RALGPS1: variants seen among roughly 807,000 people sequenced by gnomAD.
RALGPS1 encodes ras-specific guanine nucleotide-releasing factor RalGPS1.
A neutral mutation model predicts 78.8 loss-of-function variants in RALGPS1; 19 were observed. The observed-to-expected ratio is 0.24, with a 90% confidence interval of 0.17 to 0.35. RALGPS1 has a LOEUF of 0.35. Among genes scored for constraint, RALGPS1 ranks in the 10% least tolerant of loss-of-function variants. RALGPS1 has a pLI of 1.00. For missense variants in RALGPS1, 454 were observed against 688.3 expected (o/e 0.66, Z 3.81); for synonymous variants, 228 against 256.3 (o/e 0.89, Z 1.06).
chr9:127,191,430 T>G (rs997155309), intron 11 of RALGPS1, among the ~76,000 whole-genome samples: 19 of 152,184 alleles, frequency 1.2e-4, no homozygotes, highest in African/African-American at 4.3e-4. Context: ...ACCCAGTGGT[T>G]TTGCCCCTCA....
intron 14 of RALGPS1, chr9:127,210,798 T>C: frequency 6.5e-7 from 1 of 1,539,624 alleles, no homozygotes; most frequent in South Asian, 1.2e-5. Context: ...TGTTCATGTG[T>C]TCATTTGTTT....
chr9:127,179,947 C>T (rs73597287), intron 11 of RALGPS1, among the ~76,000 whole-genome samples: 1 of 152,166 alleles, frequency 6.6e-6, no homozygotes, highest in Non-Finnish European at 1.5e-5. Context: ...CTGTTGCCCA[C>T]AGAGAGCTGG....
chr9:127,180,304 C>T (rs928185409), intron 11 of RALGPS1, among the ~76,000 whole-genome samples: 5 of 152,184 alleles, frequency 3.3e-5, no homozygotes, highest in Admixed American at 1.3e-4. Context: ...TGGGCAGCAC[C>T]GCGAGTCCAG....
chr9:127,098,434 G>A (rs181503764), intron 8 of RALGPS1, among the ~76,000 whole-genome samples: 1 of 152,316 alleles, frequency 6.6e-6, no homozygotes, highest in East Asian at 1.9e-4. Context: ...ACATTCTTGG[G>A]GGAGCTGTGG....
chr9:127,172,832 C>T (rs1203750636), intron 10 of RALGPS1, among the ~76,000 whole-genome samples: 1 of 151,898 alleles, frequency 6.6e-6, no homozygotes, highest in East Asian at 1.9e-4. Context: ...TCGTCTGCTC[C>T]TGGGGCTGCC....
chr9:127,094,392 GC>G (rs147128543), intron 8 of RALGPS1, among the ~76,000 whole-genome samples: 8,773 of 152,272 alleles, frequency 0.058, 815 homozygotes, highest in African/African-American at 0.2. Context: ...CTTTGCTTCT[GC>G]AAGGAAACTC....
intron 8 of RALGPS1, among the ~76,000 whole-genome samples, chr9:127,153,580 G>A (rs1216469613): frequency 6.6e-6 from 1 of 152,052 alleles, no homozygotes; most frequent in African/African-American, 2.4e-5. Context: ...CTGTCATGAT[G>A]GCGGCGCACA....
chr9:127,093,314 TTC>T (rs1371080421), intron 8 of RALGPS1, among the ~76,000 whole-genome samples: 3 of 152,154 alleles, frequency 2.0e-5, no homozygotes, highest in Non-Finnish European at 4.4e-5. Context: ...TTTTGGGGGA[TTC>T]TCCCAGGAAC....
intron 4 of RALGPS1, among the ~76,000 whole-genome samples, chr9:127,005,403 C>G (rs2043743523): frequency 6.6e-6 from 1 of 152,230 alleles, no homozygotes; most frequent in Admixed American, 6.5e-5. Flanking sequence ...TCTGGCAATA[C>G]TTCTGGTTTT....
intron 8 of RALGPS1, among the ~76,000 whole-genome samples, chr9:127,163,602 G>T (rs1003800198): frequency 6.6e-6 from 1 of 152,310 alleles, no homozygotes; most frequent in South Asian, 2.1e-4. Flanking sequence ...TAGCACCAGT[G>T]CTCCACTGTA....
rs1239319088 is a variant in RALGPS1 at position 127,223,112 on chromosome 9, C to T, written c.*4343C>T. On this transcript the variant is annotated 3_prime_UTR_variant, in exon 19 of 19. Transcript: ENST00000259351. ...TAATAATTATTTCACTAATTAAATA[C>T]TTTAATGTACAAACATCTTTGTTTA... The T allele has an allele frequency of 5.2e-5, 8 of 152,648 alleles. No individual in the cohort carries two copies. Among genetic ancestry groups the T allele is most frequent in the Non-Finnish European group, 1.0e-4 (7 of 68,048 alleles). The allele number at this position is 152,648 out of a possible 1,614,324, so 9.5% of individuals were successfully genotyped here.
chr9:127,079,818 A>G (rs1405325379), intron 8 of RALGPS1: 1 of 152,228 alleles, frequency 6.6e-6, no homozygotes, highest in East Asian at 1.9e-4. Context: ...TTCCCAATCC[A>G]CAGAAACTGC....
chr9:127,034,586 C>A, intron 5 of RALGPS1, 72 bp downstream of exon 5: 4 of 1,367,426 alleles, frequency 2.9e-6, no homozygotes, highest in Admixed American at 1.7e-5. Flanking sequence ...TGCGAGCCCC[C>A]ACCCAAAGCT....
chr9:127,098,495 G>T (rs1017835412), intron 8 of RALGPS1, among the ~76,000 whole-genome samples: 1 of 152,232 alleles, frequency 6.6e-6, no homozygotes, highest in Non-Finnish European at 1.5e-5. Context: ...AGCCGAGTCT[G>T]TGTGGTTCCC....
In RALGPS1 at chr9:127,166,073, C is replaced by T; in HGVS notation, c.615C>T (p.Ile205=). Reference sequence around the variant, plus strand: ...AAATATCTTCTTTAATTTTAGGAATCTATCTTCTGGATTTAATCTACATTG... The same window carrying T: ...AAATATCTTCTTTAATTTTAGGAATTTATCTTCTGGATTTAATCTACATTG... ...KMVPSIPYLG[I]YLLDLIYIDS... The change falls in exon 9 of 19, where the codon ATC becomes ATT. Residue 205 remains isoleucine (I), a synonymous_variant. Transcript: ENST00000259351. 6.2e-6 allele frequency: 10 copies of T among 1,600,542 alleles called. No individual in the cohort carries two copies. Among genetic ancestry groups the T allele is most frequent in the Non-Finnish European group, 7.7e-6 (9 of 1,175,006 alleles).
chr9:127,066,274 G>A (rs1277959364), intron 7 of RALGPS1, among the ~76,000 whole-genome samples: 2 of 152,246 alleles, frequency 1.3e-5, no homozygotes, highest in Non-Finnish European at 2.9e-5. Context: ...TGCCAAACAA[G>A]TAAGGGGTTC....
At position 127,219,967 on chromosome 9, in the gene RALGPS1, G is replaced by C. The variant is rs2131077099; in HGVS notation, c.*1198G>C. 1.3e-5 allele frequency: 2 copies of C among 152,760 alleles called. No individual in the cohort carries two copies. The highest frequency in any genetic ancestry group is 4.1e-4 in the South Asian group (2 of 4,826). The allele number at this position is 152,760 out of a possible 1,614,324, so 9.5% of individuals were successfully genotyped here. On this transcript the variant is annotated 3_prime_UTR_variant, in exon 19 of 19. Coordinates refer to ENST00000259351, the MANE Select transcript of RALGPS1 (RefSeq NM_014636.3). This position sits in a 1 kb window ranked among gnomAD's most constrained non-coding sequence, Gnocchi z 5.0. ...GTGTGACAATAGAGCGAAGCCCCGG[G>C]GAGTGAACGGTCCAACCTCTGCATT...
rs973286880 is a variant in RALGPS1, at chr9:127,122,500, G to C, written c.611-43569G>C. 1.3e-5 allele frequency: 2 copies of C among 152,730 alleles called. No homozygotes were observed. The highest frequency in any genetic ancestry group is 4.8e-5 in the African/African-American group (2 of 41,460). The allele number at this position is 152,730 out of a possible 1,614,324, so 9.5% of individuals were successfully genotyped here. On this transcript the variant is annotated intron_variant, in intron 8 of 18. Transcript: ENST00000259351. The surrounding 1 kb of genome is among the most constrained non-coding windows in gnomAD (Gnocchi z 6.4). ...AGGGCTCCGGCAGAGGCTGGGGCCA[G>C]GGCTGGCCAGGGGTCCTGCGGGGCT...
chr9:127,153,828 T>C (rs1225100981), intron 8 of RALGPS1, among the ~76,000 whole-genome samples: 1 of 152,108 alleles, frequency 6.6e-6, no homozygotes, highest in Non-Finnish European at 1.5e-5. Context: ...GAAGTCAGAA[T>C]TGAGTAAAAT....
Sources: gnomAD v4.1 joint callset for allele counts (sites outside exome capture counted in the v4.1 genomes callset) on GRCh38, gnomAD v4.1.1 for gene constraint, Gnocchi (gnomAD v3.1) non-coding constraint, MANE v1.5 for transcripts, NCBI Gene and HGNC (gene_info 2026-07-23, HGNC 2026-07-21) for gene names.